Variants in GPBP1 observed in about 807,000 individuals in gnomAD.
GPBP1 encodes GC-rich promoter binding protein 1.
In GPBP1, 13 loss-of-function variants were observed where a neutral mutation model predicts 56.5. The observed-to-expected ratio is 0.23, with a 90% CI of 0.15 to 0.37. The LOEUF (loss-of-function observed/expected upper bound fraction) is 0.37. Ranked by LOEUF, GPBP1 falls within the 10% of genes least tolerant of loss-of-function variation. GPBP1 has a pLI of 1.00. For missense variants in GPBP1, 477 were observed against 572.3 expected, an observed-to-expected ratio of 0.83 and a Z score of 1.70; for synonymous variants, 204 against 188.9, an observed-to-expected ratio of 1.08 and a Z score of -0.66.
chr5:57,195,330 T>G (rs910025700), intron 2 of GPBP1, among the ~76,000 whole-genome samples: 4 of 152,074 alleles, frequency 2.6e-5, no homozygotes, highest in Admixed American at 2.6e-4. Flanking sequence ...TAATTTCTTG[T>G]ATATTTTGTG....
At chr5:57,208,256 TAG>T (rs1488322567) in intron 2 of GPBP1, among the ~76,000 whole-genome samples, 4 of 152,090 alleles carry the variant, frequency 2.6e-5, no homozygotes, top group Non-Finnish European at 5.9e-5. Context: ...TCCATATCAA[TAG>T]AGTCTCATTT....
rs766273665 is a variant in GPBP1, at chr5:57,231,230, G to T, written c.320G>T (p.Ser107Ile). The change falls in exon 5 of 12, where the codon AGC becomes ATC. Residue 107 changes from serine to isoleucine, a missense_variant. This residue lies in a region of GPBP1 where 414 missense variants were observed against 458.2 expected (regional missense o/e 0.90). Coordinates refer to ENST00000506184, the MANE Select transcript of GPBP1 (RefSeq NM_022913.4). ...SRSSIFHAGKSQGLHENNIPD... is the reference protein window; with the variant it reads ...SRSSIFHAGKIQGLHENNIPD... Reference sequence around the variant, plus strand: ...AGCAGTATTTTCCATGCAGGAAAAAGCCAAGGACTACATGAAAACAACATA... The same window carrying T: ...AGCAGTATTTTCCATGCAGGAAAAATCCAAGGACTACATGAAAACAACATA... 3 of 1,614,006 alleles carry T rather than the reference G, an allele frequency of 1.9e-6. No homozygotes were observed. Among genetic ancestry groups the T allele is most frequent in the Admixed American group, 1.7e-5 (1 of 60,000 alleles).
intron 10 of GPBP1, among the ~76,000 whole-genome samples, chr5:57,257,318 A>G (rs1376305064): frequency 6.6e-6 from 1 of 152,256 alleles, no homozygotes; most frequent in East Asian, 1.9e-4. Flanking sequence ...TACAGGCGTG[A>G]GCCACTGCGC....
rs1368431849 is a variant in GPBP1, at chr5:57,249,494, A to G, written c.890A>G (p.Lys297Arg). The change falls in exon 9 of 12, where the codon AAG (lysine) becomes AGG (arginine). Residue 297 changes from lysine (K) to arginine (R), a missense_variant. Lys to Arg is a conservative substitution (Grantham distance 26). Transcript: ENST00000506184. Reference protein sequence around the residue: ...LTKLTRMRTDKKSEFLKALKR... With the variant: ...LTKLTRMRTDRKSEFLKALKR... Reference sequence around the variant, plus strand: ...AAACTGACACGAATGCGCACTGATAAGAAGAGTGAATTTTTGAAAGCATTG... The same window carrying G: ...AAACTGACACGAATGCGCACTGATAGGAAGAGTGAATTTTTGAAAGCATTG... 1.9e-6 allele frequency: 3 copies of G among 1,613,086 alleles called. No individual in the cohort carries two copies. Among genetic ancestry groups the G allele is most frequent in the Non-Finnish European group, 2.5e-6 (3 of 1,179,612 alleles).
At chr5:57,178,509 G>A (rs1039842909) in intron 2 of GPBP1, among the ~76,000 whole-genome samples, 9 of 152,170 alleles carry the variant, frequency 5.9e-5, no homozygotes, top group African/African-American at 1.9e-4. Flanking sequence ...ACTTCCCAAA[G>A]TGCTGGGATT....
chr5:57,192,994 T>C, intron 2 of GPBP1, among the ~76,000 whole-genome samples: 1 of 151,766 alleles, frequency 6.6e-6, no homozygotes, highest in East Asian at 2.0e-4. Flanking sequence ...CTCCTGGAGA[T>C]GGGATGAGGA....
At chr5:57,253,885 G>A (rs1176591438) in intron 10 of GPBP1, among the ~76,000 whole-genome samples, 1 of 152,068 alleles carries the variant, frequency 6.6e-6, no homozygotes, top group Non-Finnish European at 1.5e-5. Context: ...CAGCCTCCCA[G>A]AGGGCTGGGA....
chr5:57,251,959 A>T (rs6880214), intron 10 of GPBP1, among the ~76,000 whole-genome samples: 118,062 of 152,168 alleles, frequency 0.78, 46,801 homozygotes, highest in East Asian at 1. Context: ...TTATCCTCTT[A>T]GGAGAGAAAT....
At chr5:57,224,079 C>T (rs960548451) in intron 3 of GPBP1, among the ~76,000 whole-genome samples, 6 of 151,494 alleles carry the variant, frequency 4.0e-5, no homozygotes, top group Non-Finnish European at 8.8e-5. Flanking sequence ...ATGATCCGCC[C>T]GCCTCGGCCT....
chr5:57,254,219 C>G (rs1741531223), intron 10 of GPBP1, among the ~76,000 whole-genome samples: 1 of 152,212 alleles, frequency 6.6e-6, no homozygotes, highest in African/African-American at 2.4e-5. Flanking sequence ...ATGCCCAGCC[C>G]TTCCCCACGC....
chr5:57,211,314 G>A (rs900936117), intron 2 of GPBP1, among the ~76,000 whole-genome samples: 1 of 152,074 alleles, frequency 6.6e-6, no homozygotes, highest in Admixed American at 6.6e-5. Context: ...AGTCTCCGTA[G>A]TAGCTGGGAC....
chr5:57,190,276 G>T (rs1446326523), intron 2 of GPBP1, among the ~76,000 whole-genome samples: 2 of 151,860 alleles, frequency 1.3e-5, no homozygotes, highest in African/African-American at 2.4e-5. Flanking sequence ...TTGATTTGTT[G>T]TCATGTCATT....
Position 57,175,147 on chromosome 5 carries a change from G to A in GPBP1, c.-1010-301G>A, listed in dbSNP as rs4145100. Reference sequence around the variant, plus strand: ...CATAGTTTTAAAATTTATTCAAGAAGTATAAGAAGGTTTGCTTATATAATT... The same window carrying A: ...CATAGTTTTAAAATTTATTCAAGAAATATAAGAAGGTTTGCTTATATAATT... On this transcript the variant is annotated intron_variant, in intron 1 of 11. Coordinates refer to ENST00000506184, the MANE Select transcript of GPBP1 (RefSeq NM_022913.4). 1.3e-3 allele frequency among the ~76,000 whole-genome samples: 197 copies of A among 152,314 alleles called. 5 individuals are homozygous for A. In the East Asian group the frequency reaches 0.035, roughly 27 times the overall value.
intron 2 of GPBP1, among the ~76,000 whole-genome samples, chr5:57,199,827 C>T (rs1407264938): frequency 6.6e-6 from 1 of 151,874 alleles, no homozygotes; most frequent in East Asian, 1.9e-4. Flanking sequence ...CCCTACTGTC[C>T]CCATACTACT....
intron 3 of GPBP1, chr5:57,221,289 C>A: frequency 1.2e-6 from 1 of 804,802 alleles, no homozygotes; most frequent in Non-Finnish European, 1.9e-6. Flanking sequence ...ACCTGTGGCG[C>A]ACTAGTTTTT....
chr5:57,258,614 G>A (rs1741764231), intron 10 of GPBP1, among the ~76,000 whole-genome samples: 2 of 152,284 alleles, frequency 1.3e-5, no homozygotes, highest in Middle Eastern at 3.4e-3. Context: ...TATGTTTAGG[G>A]GGGAAAGGGA....
At chr5:57,246,615 G>A (rs1741102681) in intron 7 of GPBP1, 131 bp downstream of exon 7, 8 of 637,162 alleles carry the variant, frequency 1.3e-5, no homozygotes, top group Non-Finnish European at 2.1e-5. Context: ...GGTGGCAAGA[G>A]TTGACCCATA....
intron 3 of GPBP1, among the ~76,000 whole-genome samples, chr5:57,229,594 C>T (rs1434344578): frequency 6.6e-6 from 1 of 151,658 alleles, no homozygotes; most frequent in Non-Finnish European, 1.5e-5. Flanking sequence ...ACAGTTGTGT[C>T]ATCTCGGCTC....
Position 57,262,775 on chromosome 5 carries a change from A to C in GPBP1, c.*23A>C. ...TGAAGGATTTCCTAACAGCTTTAGAAATCTTAGTGTGATACATCTCTCATA... is the reference window on the plus strand; with the variant it reads ...TGAAGGATTTCCTAACAGCTTTAGACATCTTAGTGTGATACATCTCTCATA... On this transcript the variant is annotated 3_prime_UTR_variant, in exon 12 of 12. Transcript: ENST00000506184. The C allele has an allele frequency of 6.2e-7, 1 of 1,601,790 alleles. No homozygotes were observed. Among genetic ancestry groups the C allele is most frequent in the Admixed American group, 1.7e-5 (1 of 59,578 alleles).
Sources: allele counts gnomAD v4.1 joint callset (sites outside exome capture counted in the v4.1 genomes callset), GRCh38; gene constraint gnomAD v4.1.1; regional missense constraint gnomAD v4.1.1; transcripts MANE v1.5; gene names NCBI Gene and HGNC (gene_info 2026-07-23, HGNC 2026-07-21).